Variants in SEMA3D observed in about 807,000 individuals in gnomAD.
The protein encoded by SEMA3D is semaphorin-3D.
Under a neutral mutation model 100.1 loss-of-function variants are expected in SEMA3D, and 84 were observed. The observed-to-expected ratio is 0.84, with a 90% confidence interval of 0.70 to 1.01. The LOEUF is 1.01. Among genes scored for constraint, SEMA3D ranks in the 50% least tolerant of loss-of-function variants. The pLI is 0.00. For synonymous variants in SEMA3D, 312 were observed against 320.7 expected (o/e 0.97, Z 0.29); for missense variants, 875 against 934.1 (o/e 0.94, Z 0.82).
At position 85,092,612 on chromosome 7, in the gene SEMA3D, A is replaced by G. The variant is rs1214709616; in HGVS notation, c.312+5193T>C. On this transcript the variant is annotated intron_variant, in intron 4 of 18. Coordinates refer to ENST00000284136, the MANE Select transcript of SEMA3D (RefSeq NM_001384900.1). ...TGCTTAAGTCATATTTAGTTATTTG[A>G]TTTTTTAAAAAATATGTTTTCTGTA... is the stretch of plus-strand genomic sequence containing the variant. Among the ~76,000 whole-genome samples, 5 of 152,006 alleles carry G rather than the reference A, an allele frequency of 3.3e-5. 1 individual carries two copies. The highest frequency in any genetic ancestry group is 5.9e-5 in the Non-Finnish European group (4 of 67,930).
At chr7:85,000,487 G>A (rs1214181017) in intron 18 of SEMA3D, among the ~76,000 whole-genome samples, 2 of 152,152 alleles carry the variant, frequency 1.3e-5, no homozygotes, top group Non-Finnish European at 2.9e-5. Context: ...TTGGACGTTA[G>A]AGCTGTAATT....
chr7:85,011,941 GTGTGTGTGCA>G (rs1789965237), intron 17 of SEMA3D, among the ~76,000 whole-genome samples: 1 of 151,622 alleles, frequency 6.6e-6, no homozygotes, highest in South Asian at 2.1e-4. Context: ...ACCTGTTCGT[GTGTGTGTGCA>G]TGTGTGTGTG....
At chr7:85,057,366 A>G (rs1791350215) in intron 8 of SEMA3D, among the ~76,000 whole-genome samples, 1 of 152,290 alleles carries the variant, frequency 6.6e-6, no homozygotes, top group Admixed American at 6.5e-5. Context: ...GAAATGAAGG[A>G]AAGACTTCAA....
At chr7:85,077,782 A>C (rs547781440) in intron 5 of SEMA3D, among the ~76,000 whole-genome samples, 1 of 152,142 alleles carries the variant, frequency 6.6e-6, no homozygotes, top group Admixed American at 6.5e-5. Context: ...TGAGGCATAA[A>C]CTTTCTGGAG....
At chr7:85,068,142 A>T (rs1330535706) in intron 7 of SEMA3D, 49 bp downstream of exon 7, 1 of 1,064,470 alleles carries the variant, frequency 9.4e-7, no homozygotes. Context: ...TCAAAAAATA[A>T]CTCTTAGAAA....
chr7:85,141,547 G>A, intron 2 of SEMA3D: 1 of 984,732 alleles, frequency 1.0e-6, no homozygotes, highest in Non-Finnish European at 1.2e-6. Context: ...TCTTTCTAAG[G>A]ATAGTCTTAA....
chr7:85,055,035 C>A (rs2116074814), intron 9 of SEMA3D, among the ~76,000 whole-genome samples: 1 of 152,120 alleles, frequency 6.6e-6, no homozygotes, highest in African/African-American at 2.4e-5. Context: ...TTGCAGTATT[C>A]TTCAAAATAA....
intron 17 of SEMA3D, among the ~76,000 whole-genome samples, chr7:85,007,791 A>G (rs530368944): frequency 6.6e-6 from 1 of 151,886 alleles, no homozygotes; most frequent in African/African-American, 2.4e-5. Flanking sequence ...AATTTTACAG[A>G]TTGGCTTACT....
chr7:85,193,152 C>T, the SEMA3D span, among the ~76,000 whole-genome samples: 1 of 152,056 alleles, frequency 6.6e-6, no homozygotes, highest in East Asian at 1.9e-4. Flanking sequence ...CAAATTCTGT[C>T]CACCAAATGG....
chr7:85,138,629 T>C (rs1389092596), intron 2 of SEMA3D, among the ~76,000 whole-genome samples: 1 of 140,214 alleles, frequency 7.1e-6, no homozygotes. Flanking sequence ...TTATAATATA[T>C]AAATTAAATT....
At chr7:85,086,717 G>A (rs555499616) in intron 4 of SEMA3D, among the ~76,000 whole-genome samples, 91 of 150,908 alleles carry the variant, frequency 6.0e-4, no homozygotes, top group Non-Finnish European at 6.5e-4. Context: ...AGAGACACAC[G>A]CAGTTATATA....
At chr7:85,133,831 T>C (rs1789789897) in intron 2 of SEMA3D, among the ~76,000 whole-genome samples, 1 of 152,008 alleles carries the variant, frequency 6.6e-6, no homozygotes, top group Non-Finnish European at 1.5e-5. Flanking sequence ...GGAAAGCACT[T>C]AGTATCTTCT....
rs748615135 is a variant in SEMA3D, at chr7:84,997,971, A to G, written c.*1469T>C. 1 of 152,174 alleles carries G rather than the reference A, an allele frequency of 6.6e-6. No homozygotes were observed. The highest frequency in any genetic ancestry group is 1.5e-5 in the Non-Finnish European group (1 of 67,998). The allele number at this position is 152,174 out of a possible 1,614,324, so 9.4% of individuals were successfully genotyped here. A position where few individuals can be genotyped will look rare whatever the true frequency, so the allele number is the denominator to read the frequency against. On this transcript the variant is annotated 3_prime_UTR_variant, in exon 19 of 19. Transcript: ENST00000284136. Reference sequence around the variant, plus strand: ...ATTTGAAAGTACTAACAAAATATGAAAGATGTTTATGTTAATATTGTGAGT... The same window carrying G: ...ATTTGAAAGTACTAACAAAATATGAGAGATGTTTATGTTAATATTGTGAGT...
At chr7:85,115,622 G>C (rs544425943) in intron 3 of SEMA3D, among the ~76,000 whole-genome samples, 102 of 151,340 alleles carry the variant, frequency 6.7e-4, no homozygotes, top group Non-Finnish European at 1.2e-3. Flanking sequence ...TCTTTTTAAG[G>C]CAGTATTATA....
rs150655525 is a variant in SEMA3D at position 85,047,390 on chromosome 7, G to C, written c.862-5105C>G. ...CTTAAACCCTTATAAATCTTATATA[G>C]ACATGTAAAGTAGCTAGCAGCTGTC... On this transcript the variant is annotated intron_variant, in intron 9 of 18. Transcript: ENST00000284136. Among the ~76,000 whole-genome samples, 22 of 151,816 alleles carry C rather than the reference G, an allele frequency of 1.4e-4. No homozygotes were observed. In the East Asian group the frequency reaches 4.3e-3, roughly 30 times the overall value.
At chr7:85,054,188 T>TA (rs2116069542) in intron 9 of SEMA3D, among the ~76,000 whole-genome samples, 1 of 152,206 alleles carries the variant, frequency 6.6e-6, no homozygotes, top group African/African-American at 2.4e-5. Flanking sequence ...AAATGGATTA[T>TA]ATTTATCAAG....
At chr7:85,140,414 A>G (rs1790013227) in intron 2 of SEMA3D, 14 of 983,620 alleles carry the variant, frequency 1.4e-5, no homozygotes, top group Non-Finnish European at 1.6e-5. Context: ...CAGTTTTCTC[A>G]TCTTTAAATG....
intron 1 of SEMA3D, chr7:85,181,666 G>T: frequency 2.7e-6 from 1 of 366,266 alleles, no homozygotes; most frequent in Non-Finnish European, 3.8e-6. Flanking sequence ...TAAGCATGCT[G>T]ACCTCCTTCC....
At chr7:85,123,811 A>G (rs1260105748) in intron 2 of SEMA3D, among the ~76,000 whole-genome samples, 2 of 152,098 alleles carry the variant, frequency 1.3e-5, no homozygotes, top group Non-Finnish European at 2.9e-5. Flanking sequence ...ACATATGCAT[A>G]TAAGTTGGTT....
Sources: allele counts gnomAD v4.1 joint callset (sites outside exome capture counted in the v4.1 genomes callset), GRCh38; gene constraint gnomAD v4.1.1; transcripts MANE v1.5; gene names NCBI Gene and HGNC (gene_info 2026-07-23, HGNC 2026-07-21).